Variants in AKAP7 observed in about 807,000 individuals in gnomAD.
The protein encoded by AKAP7 is A-kinase anchoring protein 7.
AKAP7 carries 39 observed loss-of-function variants against 39.5 expected under a neutral mutation model. The observed-to-expected ratio is 0.99, with a 90% CI of 0.76 to 1.29. The LOEUF (loss-of-function observed/expected upper bound fraction) is 1.29. Ranked by LOEUF, AKAP7 falls within the 50% of genes most tolerant of loss-of-function variation. The pLI is 0.00. For synonymous variants in AKAP7, 140 were observed against 139.1 expected, an observed-to-expected ratio of 1.01 and a Z score of -0.05; for missense variants, 414 against 407.7, an observed-to-expected ratio of 1.02 and a Z score of -0.13.
At chr6:131,130,888 A>G (rs1021740644), upstream of AKAP7, among the ~76,000 whole-genome samples, 1 of 152,214 alleles carries the variant, frequency 6.6e-6, no homozygotes, top group Non-Finnish European at 1.5e-5. Flanking sequence ...ATTAAGATTT[A>G]GATGTTAATG....
At chr6:131,248,380 A>G (rs898445237) in intron 7 of AKAP7, among the ~76,000 whole-genome samples, 4 of 152,166 alleles carry the variant, frequency 2.6e-5, no homozygotes, top group Non-Finnish European at 5.9e-5. Flanking sequence ...TTATCACTAT[A>G]CTGATGCTGG....
chr6:131,206,734 T>A (rs1005083783), intron 6 of AKAP7, among the ~76,000 whole-genome samples: 8 of 152,164 alleles, frequency 5.3e-5, no homozygotes, highest in Admixed American at 5.2e-4. Flanking sequence ...TATTTACTTC[T>A]ATCTATCTAG....
chr6:131,153,202 C>T (rs537327888), intron 2 of AKAP7, among the ~76,000 whole-genome samples: 12 of 151,566 alleles, frequency 7.9e-5, no homozygotes, highest in African/African-American at 2.7e-4. Flanking sequence ...GCAGGGCTCA[C>T]GGAATTAAGA....
intron 7 of AKAP7, among the ~76,000 whole-genome samples, chr6:131,249,397 T>A (rs183875660): frequency 6.6e-6 from 1 of 152,328 alleles, no homozygotes; most frequent in East Asian, 1.9e-4. Context: ...ATTTTCATTT[T>A]TCCATGCTGC....
chr6:131,190,178 C>A (rs1806271518), intron 5 of AKAP7, among the ~76,000 whole-genome samples: 1 of 152,090 alleles, frequency 6.6e-6, no homozygotes, highest in African/African-American at 2.4e-5. Flanking sequence ...TTCCCCACTT[C>A]TATGTACCTA....
intron 6 of AKAP7, among the ~76,000 whole-genome samples, chr6:131,211,413 C>A (rs1471463087): frequency 6.6e-6 from 1 of 152,004 alleles, no homozygotes; most frequent in Admixed American, 6.6e-5. Flanking sequence ...TTTAACTGTA[C>A]TTTTAAAAAG....
At chr6:131,228,617 C>T (rs1217067324) in intron 7 of AKAP7, among the ~76,000 whole-genome samples, 1 of 152,076 alleles carries the variant, frequency 6.6e-6, no homozygotes, top group African/African-American at 2.4e-5. Flanking sequence ...GCTGGGATTA[C>T]AGGTGTGAGC....
chr6:131,205,249 C>G (rs1006885803), intron 6 of AKAP7, among the ~76,000 whole-genome samples: 2 of 151,692 alleles, frequency 1.3e-5, no homozygotes, highest in Non-Finnish European at 2.9e-5. Context: ...AAGCTGTTAC[C>G]CATGTCAACT....
At chr6:131,185,899 G>A (rs1388758764) in intron 5 of AKAP7, among the ~76,000 whole-genome samples, 1 of 152,170 alleles carries the variant, frequency 6.6e-6, no homozygotes, top group African/African-American at 2.4e-5. Flanking sequence ...CAAATCTAAT[G>A]TCTTGAACCT....
At position 131,279,608 on chromosome 6, in the gene AKAP7, C is replaced by T. The variant is rs150749470; in HGVS notation, c.851-1922C>T. ...AGGAAGATTCTTGTGTTTAAGATAA[C>T]AGGGACACTTCACTGTGGACTAGTA... On this transcript the variant is annotated intron_variant, in intron 7 of 7. Coordinates refer to ENST00000431975, the MANE Select transcript of AKAP7 (RefSeq NM_016377.4). 5.1e-3 allele frequency among the ~76,000 whole-genome samples: 782 copies of T among 152,292 alleles called. 7 individuals carry two copies. The highest frequency in any genetic ancestry group is 0.018 in the African/African-American group (735 of 41,560).
At chr6:131,129,973 GT>G in the AKAP7 span, among the ~76,000 whole-genome samples, 1 of 152,144 alleles carries the variant, frequency 6.6e-6, no homozygotes, top group Non-Finnish European at 1.5e-5. Flanking sequence ...GGTCAGGACC[GT>G]ATCACAGAAG....
chr6:131,232,248 C>T (rs185803639), intron 7 of AKAP7, among the ~76,000 whole-genome samples: 88 of 152,192 alleles, frequency 5.8e-4, no homozygotes, highest in Admixed American at 3.6e-3. Flanking sequence ...AGGTATTTCA[C>T]GAGTTATTTG....
intron 7 of AKAP7, among the ~76,000 whole-genome samples, chr6:131,240,028 C>G (rs1422752833): frequency 6.6e-6 from 1 of 152,136 alleles, no homozygotes; most frequent in Non-Finnish European, 1.5e-5. Context: ...TTTTCCCCAT[C>G]TTTGTGGTTT....
At chr6:131,134,129 G>A (rs189956287), upstream of AKAP7, among the ~76,000 whole-genome samples, 62 of 152,188 alleles carry the variant, frequency 4.1e-4, 1 homozygote, top group African/African-American at 1.3e-3. Flanking sequence ...GGGTCACCAC[G>A]TCTGGTTAAT....
At chr6:131,152,066 T>TTACAGCTGTA (rs1801965741) in intron 2 of AKAP7, among the ~76,000 whole-genome samples, 1 of 151,546 alleles carries the variant, frequency 6.6e-6, no homozygotes, top group African/African-American at 2.4e-5. Flanking sequence ...AATACACGAA[T>TTACAGCTGTA]CAGAGAGTTA....
At chr6:131,208,510 A>G (rs1373378898) in intron 6 of AKAP7, among the ~76,000 whole-genome samples, 1 of 152,234 alleles carries the variant, frequency 6.6e-6, no homozygotes, top group South Asian at 2.1e-4. Context: ...TGGTGAACCT[A>G]ATATTAAATC....
intron 7 of AKAP7, among the ~76,000 whole-genome samples, chr6:131,268,347 C>T (rs1357568561): frequency 6.6e-6 from 1 of 152,180 alleles, no homozygotes; most frequent in Non-Finnish European, 1.5e-5. Context: ...TTATACAAGT[C>T]TCATTGTTCT....
intron 5 of AKAP7, among the ~76,000 whole-genome samples, chr6:131,182,152 T>C (rs1353760765): frequency 6.6e-6 from 1 of 152,140 alleles, no homozygotes; most frequent in Non-Finnish European, 1.5e-5. Flanking sequence ...TTAACTATAG[T>C]AAAATACATA....
chr6:131,149,716 A>G (rs554308220), intron 2 of AKAP7, among the ~76,000 whole-genome samples: 31 of 152,218 alleles, frequency 2.0e-4, no homozygotes, highest in Non-Finnish European at 4.3e-4. Flanking sequence ...GACACGTTTT[A>G]GGAGAAAATC....
Sources: gnomAD v4.1 joint callset for allele counts (sites outside exome capture counted in the v4.1 genomes callset) on GRCh38, gnomAD v4.1.1 for gene constraint, MANE v1.5 for transcripts, NCBI Gene and HGNC (gene_info 2026-07-23, HGNC 2026-07-21) for gene names.